Variants in LARGE1 observed in about 807,000 individuals in gnomAD.
The protein encoded by LARGE1 is LARGE xylosyl- and glucuronyltransferase 1, also known as xylosyl- and glucuronyltransferase LARGE1.
Under a neutral mutation model 87.6 loss-of-function variants are expected in LARGE1, and 43 were observed. The observed-to-expected ratio is 0.49, with a 90% CI of 0.38 to 0.63. The LOEUF (loss-of-function observed/expected upper bound fraction) is 0.63, where lower values mean the gene tolerates loss of function less well. LARGE1 is among the 30% of genes least tolerant of loss of function. LARGE1 has a pLI of 0.00. For missense variants in LARGE1, 802 were observed against 1,000.2 expected (o/e 0.80, Z 2.67); for synonymous variants, 434 against 394.6 (o/e 1.10, Z -1.18).
At chr22:33,516,132 G>A (rs149575637) in intron 6 of LARGE1, among the ~76,000 whole-genome samples, 4 of 152,326 alleles carry the variant, frequency 2.6e-5, no homozygotes, top group African/African-American at 9.6e-5. Context: ...GACTGATGGC[G>A]GAGGCCCCTC....
At chr22:33,430,152 T>C (rs888398903) in intron 7 of LARGE1, among the ~76,000 whole-genome samples, 2 of 152,226 alleles carry the variant, frequency 1.3e-5, no homozygotes, top group East Asian at 3.8e-4. Flanking sequence ...CACAGGCTCC[T>C]TGACTTTTCA....
At chr22:33,909,501 AACTC>A (rs2065559208) in intron 1 of LARGE1, among the ~76,000 whole-genome samples, 1 of 149,360 alleles carries the variant, frequency 6.7e-6, no homozygotes, top group Non-Finnish European at 1.5e-5. Context: ...CACAGCCCCT[AACTC>A]ACCAACTTCT....
chr22:33,597,746 C>A (rs997963532), intron 5 of LARGE1, among the ~76,000 whole-genome samples: 1 of 152,200 alleles, frequency 6.6e-6, no homozygotes, highest in Non-Finnish European at 1.5e-5. Context: ...GCTTCCCTTC[C>A]TGAGCTCGGG....
chr22:33,685,270 C>T lies in LARGE1; in HGVS notation c.107-34602G>A, dbSNP rs555919504. Among the ~76,000 whole-genome samples, 3 of 152,282 alleles carry T rather than the reference C, an allele frequency of 2.0e-5. No individual in the cohort carries two copies. In the South Asian group the frequency reaches 6.2e-4, roughly 32 times the overall value. On this transcript the variant is annotated intron_variant, in intron 2 of 14. Transcript: ENST00000397394. Reference sequence around the variant, plus strand: ...AATATACAAAAGAAATCCCAGCCATCCTGCCTGAAATGCTGAACAAAGCAC... The same window carrying T: ...AATATACAAAAGAAATCCCAGCCATTCTGCCTGAAATGCTGAACAAAGCAC...
intron 6 of LARGE1, among the ~76,000 whole-genome samples, chr22:33,455,195 T>C (rs1047411071): frequency 6.6e-6 from 1 of 152,172 alleles, no homozygotes; most frequent in African/African-American, 2.4e-5. Context: ...GCTTCCTTTT[T>C]GCCAGGAATG....
the LARGE1 span, among the ~76,000 whole-genome samples, chr22:33,141,190 TCTCTCA>T: frequency 7.6e-3 from 1,113 of 147,404 alleles, 10 homozygotes; most frequent in African/African-American, 0.02. Context: ...TCTCTCTCTC[TCTCTCA>T]CACACACACA....
chr22:33,089,374 T>TCTC, the LARGE1 span, among the ~76,000 whole-genome samples: 14 of 131,360 alleles, frequency 1.1e-4, no homozygotes, highest in African/African-American at 1.9e-4. Context: ...TTCTTCTCCT[T>TCTC]CTTCTTCTTC....
chr22:33,555,154 A>C (rs1411170751), intron 6 of LARGE1, among the ~76,000 whole-genome samples: 2 of 152,234 alleles, frequency 1.3e-5, no homozygotes, highest in Non-Finnish European at 2.9e-5. Context: ...TAGGAATTAT[A>C]AATAATCGAG....
chr22:33,744,690 C>T (rs983684193), intron 2 of LARGE1, among the ~76,000 whole-genome samples: 2 of 152,216 alleles, frequency 1.3e-5, no homozygotes, highest in Admixed American at 6.5e-5. Context: ...CCCTGGAAAA[C>T]ACCTCATTGT....
intron 2 of LARGE1, among the ~76,000 whole-genome samples, chr22:33,694,645 T>C (rs1386815112): frequency 1.3e-5 from 2 of 152,296 alleles, no homozygotes; most frequent in East Asian, 1.9e-4. Flanking sequence ...CTAAGAGTTG[T>C]CCATGACCAA....
At chr22:33,349,574 T>C (rs1940160901) in intron 9 of LARGE1, among the ~76,000 whole-genome samples, 1 of 152,238 alleles carries the variant, frequency 6.6e-6, no homozygotes, top group Non-Finnish European at 1.5e-5. Context: ...TCAATGTTTG[T>C]TGACTCCCCA....
downstream of LARGE1, among the ~76,000 whole-genome samples, chr22:33,160,348 A>G (rs1921981791): frequency 6.6e-6 from 1 of 152,226 alleles, no homozygotes; most frequent in African/African-American, 2.4e-5. Flanking sequence ...TGACCCTTCC[A>G]TATTGTTGAA....
At chr22:33,774,623 G>T (rs1435306991) in intron 1 of LARGE1, among the ~76,000 whole-genome samples, 1 of 152,180 alleles carries the variant, frequency 6.6e-6, no homozygotes, top group African/African-American at 2.4e-5. Flanking sequence ...CTCCCAAAGT[G>T]CTGGGATTAC....
At chr22:33,451,318 C>A (rs530312904) in intron 6 of LARGE1, among the ~76,000 whole-genome samples, 2 of 151,886 alleles carry the variant, frequency 1.3e-5, no homozygotes, top group Admixed American at 1.3e-4. Flanking sequence ...TAGGTGACCA[C>A]CAAGAAAAGA....
chr22:33,344,668 T>C, intron 9 of LARGE1, among the ~76,000 whole-genome samples: 1 of 152,210 alleles, frequency 6.6e-6, no homozygotes, highest in East Asian at 1.9e-4. Context: ...TATCAGTGCT[T>C]GTCTGACTAC....
At chr22:33,838,938 A>G (rs1242942987) in intron 1 of LARGE1, among the ~76,000 whole-genome samples, 1 of 152,212 alleles carries the variant, frequency 6.6e-6, no homozygotes, top group African/African-American at 2.4e-5. Context: ...TTGCCAGGAG[A>G]GGAAGTGAAT....
At chr22:33,070,637 A>G in the LARGE1 span, among the ~76,000 whole-genome samples, 1 of 152,314 alleles carries the variant, frequency 6.6e-6, no homozygotes, top group South Asian at 2.1e-4. Flanking sequence ...GTTCTGTGCA[A>G]CCGTGAGAGC....
chr22:33,429,128 T>C lies in LARGE1; in HGVS notation c.892+3033A>G, dbSNP rs113907044. Among the ~76,000 whole-genome samples, 7 of 152,024 alleles carry C rather than the reference T, an allele frequency of 4.6e-5. 1 individual carries two copies. Among genetic ancestry groups the C allele is most frequent in the South Asian group, 2.1e-4 (1 of 4,810 alleles). ...ATATTCTTTTTGGAGGCTTCAGATG[T>C]GCTGGGATTTAGGGTGGCAGGTTCT... On this transcript the variant is annotated intron_variant, in intron 7 of 14. Coordinates refer to ENST00000397394, the MANE Select transcript of LARGE1 (RefSeq NM_133642.5).
intron 12 of LARGE1, among the ~76,000 whole-genome samples, chr22:33,292,219 G>C (rs927922834): frequency 4.6e-5 from 7 of 152,088 alleles, no homozygotes; most frequent in African/African-American, 1.7e-4. Flanking sequence ...GAACCATGGG[G>C]AATACATTTC....
Sources: allele counts gnomAD v4.1 joint callset (sites outside exome capture counted in the v4.1 genomes callset), GRCh38; gene constraint gnomAD v4.1.1; transcripts MANE v1.5; gene names NCBI Gene and HGNC (gene_info 2026-07-23, HGNC 2026-07-21).